MINK1: variants seen among roughly 807,000 people sequenced by gnomAD.
MINK1 encodes misshapen like kinase 1.
A neutral mutation model predicts 178.4 loss-of-function variants in MINK1; 46 were observed. The observed-to-expected ratio is 0.26, with a 90% CI of 0.20 to 0.33. The LOEUF is 0.33. MINK1 is among the 10% of genes least tolerant of loss of function. The probability of loss-of-function intolerance (pLI) is 1.00; values close to 1 mark genes in which losing one functional copy is unlikely to be tolerated. For missense variants in MINK1, 1,366 were observed against 1,814.9 expected (o/e 0.75, Z 4.49); for synonymous variants, 797 against 709.7 (o/e 1.12, Z -1.96).
At chr17:4,873,617 C>CTTT (rs71367860) in intron 1 of MINK1, among the ~76,000 whole-genome samples, 2,707 of 108,056 alleles carry the variant, frequency 0.025, 679 homozygotes, top group African/African-American at 0.048. Context: ...TTTTTCTTTT[C>CTTT]TTTTTTTTTT....
rs886251175 is a variant in MINK1, at chr17:4,886,793, T to A, written c.949+167T>A. ...CTTGCAACCCCCAAGGGGTTTTCCC[T>A]CCTTTCCCTCCCAGTCTGAATCAGC... is the stretch of plus-strand genomic sequence containing the variant. On this transcript the variant is annotated intron_variant, in intron 10 of 31. Coordinates refer to ENST00000355280, the MANE Select transcript of MINK1 (RefSeq NM_153827.5). This position sits in a 1 kb window ranked among gnomAD's most constrained non-coding sequence, Gnocchi z 6.1. 1.9e-4 allele frequency among the ~76,000 whole-genome samples: 29 copies of A among 152,132 alleles called. 1 individual carries two copies. Among genetic ancestry groups the A allele is most frequent in the Admixed American group, 2.0e-4 (3 of 15,278 alleles).
In MINK1 at chr17:4,894,747, TG is replaced by T; in HGVS notation, c.2917+117del. 1.2e-6 allele frequency: 1 copy of T among 829,706 alleles called. No homozygotes were observed. Among genetic ancestry groups the T allele is most frequent in the East Asian group, 2.7e-5 (1 of 37,410 alleles). The allele number at this position is 829,706 out of a possible 1,614,324, so 51.4% of individuals were successfully genotyped here. A position where few individuals can be genotyped will look rare whatever the true frequency, so the allele number is the denominator to read the frequency against. ...AAGCATAGCCACAGGACCTCTCCCT[TG>T]GGCCCTAGCACCTGCCTGGGCACAG... On this transcript the variant is annotated intron_variant, in intron 24 of 31. Transcript: ENST00000355280. The surrounding 1 kb of genome is among the most constrained non-coding windows in gnomAD (Gnocchi z 4.1).
Position 4,833,787 on chromosome 17 carries a change from C to G in MINK1, c.57+147C>G. 1.7e-6 allele frequency: 1 copy of G among 598,916 alleles called. No homozygotes were observed. Among genetic ancestry groups the G allele is most frequent in the Non-Finnish European group, 2.7e-6 (1 of 369,594 alleles). The allele number at this position is 598,916 out of a possible 1,614,324, so 37.1% of individuals were successfully genotyped here. A position where few individuals can be genotyped will look rare whatever the true frequency, so the allele number is the denominator to read the frequency against. Reference sequence around the variant, plus strand: ...GACCCGTGCCCCTTTCCCGGACTCCCGCCGCGGCTGGGCCCCCGCCCTCTG... The same window carrying G: ...GACCCGTGCCCCTTTCCCGGACTCCGGCCGCGGCTGGGCCCCCGCCCTCTG... On this transcript the variant is annotated intron_variant, in intron 1 of 31. Transcript: ENST00000355280. This position sits in a 1 kb window ranked among gnomAD's most constrained non-coding sequence, Gnocchi z 4.8.
chr17:4,869,996 C>T (rs925768417), intron 1 of MINK1, among the ~76,000 whole-genome samples: 20 of 150,912 alleles, frequency 1.3e-4, no homozygotes, highest in African/African-American at 4.9e-4. Flanking sequence ...CAGGCCCCAC[C>T]TCCAGGGTTC....
At chr17:4,849,899 A>G (rs1254407545) in intron 1 of MINK1, among the ~76,000 whole-genome samples, 1 of 152,016 alleles carries the variant, frequency 6.6e-6, no homozygotes, top group Non-Finnish European at 1.5e-5. Flanking sequence ...TCACTTCCTT[A>G]GCGAGCCTTT....
At chr17:4,876,799 G>A (rs112983046) in intron 1 of MINK1, among the ~76,000 whole-genome samples, 20 of 152,134 alleles carry the variant, frequency 1.3e-4, no homozygotes, top group Admixed American at 5.9e-4. Flanking sequence ...CAGAACTGTC[G>A]GCTCTGAGGC....
chr17:4,880,264 G>A (rs1478880671), intron 2 of MINK1, among the ~76,000 whole-genome samples: 2 of 151,384 alleles, frequency 1.3e-5, no homozygotes, highest in Non-Finnish European at 2.9e-5. Context: ...ACTGAGGTGT[G>A]TAGCCACAAT....
intron 1 of MINK1, among the ~76,000 whole-genome samples, chr17:4,835,614 G>A (rs9893925): frequency 0.074 from 11,252 of 152,184 alleles, 550 homozygotes; most frequent in East Asian, 0.25. Flanking sequence ...GCGACAAAGC[G>A]AGACCTTGTC....
At chr17:4,870,776 G>A (rs552076726) in intron 1 of MINK1, among the ~76,000 whole-genome samples, 3 of 152,154 alleles carry the variant, frequency 2.0e-5, no homozygotes, top group Non-Finnish European at 4.4e-5. Flanking sequence ...AGTGAGCTGA[G>A]ATTACACTAC....
intron 1 of MINK1, among the ~76,000 whole-genome samples, chr17:4,854,134 C>G (rs1912644335): frequency 6.6e-6 from 1 of 152,156 alleles, no homozygotes; most frequent in African/African-American, 2.4e-5. Flanking sequence ...GGCTCAGCAT[C>G]AGAAAGGGAC....
intron 1 of MINK1, among the ~76,000 whole-genome samples, chr17:4,863,828 C>CT (rs936381125): frequency 2.6e-5 from 4 of 151,946 alleles, no homozygotes; most frequent in African/African-American, 9.7e-5. Context: ...CTCACTCTGT[C>CT]ACCCAGGCTG....
intron 1 of MINK1, among the ~76,000 whole-genome samples, chr17:4,873,980 TCAAA>T (rs1412267226): frequency 6.6e-6 from 1 of 152,092 alleles, no homozygotes; most frequent in Non-Finnish European, 1.5e-5. Context: ...GACCGAGGCC[TCAAA>T]CAGTTAAATA....
chr17:4,895,027 G>A lies in MINK1; in HGVS notation c.2918-48G>A. The A allele has an allele frequency of 6.3e-7, 1 of 1,596,958 alleles. No homozygotes were observed. Among genetic ancestry groups the A allele is most frequent in the Non-Finnish European group, 8.6e-7 (1 of 1,168,694 alleles). On this transcript the variant is annotated intron_variant, in intron 24 of 31. Coordinates refer to ENST00000355280, the MANE Select transcript of MINK1 (RefSeq NM_153827.5). The surrounding 1 kb of genome is among the most constrained non-coding windows in gnomAD (Gnocchi z 4.3). ...TAGGGGATGGAGGTAAAAAGAGATG[G>A]GGTGAGAAGCTGCAGCCCCTCCTCC...
chr17:4,896,941 G>A lies in MINK1; in HGVS notation c.3915+128G>A, dbSNP rs1003512428. On this transcript the variant is annotated intron_variant, in intron 31 of 31. Transcript: ENST00000355280. The surrounding 1 kb of genome is among the most constrained non-coding windows in gnomAD (Gnocchi z 4.6). ...AAGCGGGCCCCTCTGGGAGCTCAGA[G>A]GGCAGTCAGCCACTACCACTGCCCT... 1 of 1,274,698 alleles carries A rather than the reference G, an allele frequency of 7.8e-7. No individual in the cohort carries two copies. The highest frequency in any genetic ancestry group is 1.1e-6 in the Non-Finnish European group (1 of 944,518). The allele number at this position is 1,274,698 out of a possible 1,614,324, so 79.0% of individuals were successfully genotyped here.
At chr17:4,876,040 C>G (rs1290154005) in intron 1 of MINK1, among the ~76,000 whole-genome samples, 1 of 152,026 alleles carries the variant, frequency 6.6e-6, no homozygotes, top group Non-Finnish European at 1.5e-5. Context: ...CTTGATCTGC[C>G]CGCTTCAGCC....
At chr17:4,850,519 G>GCCGCC (rs1555529655) in intron 1 of MINK1, among the ~76,000 whole-genome samples, 1 of 144,892 alleles carries the variant, frequency 6.9e-6, no homozygotes, top group African/African-American at 2.6e-5. Context: ...CTTCCTGCTG[G>GCCGCC]CCCCCCCCGC....
intron 1 of MINK1, among the ~76,000 whole-genome samples, chr17:4,864,642 T>C (rs548238791): frequency 6.6e-6 from 1 of 152,196 alleles, no homozygotes; most frequent in African/African-American, 2.4e-5. Context: ...GGAGAATCGC[T>C]TGAACCCGGG....
intron 1 of MINK1, chr17:4,859,053 C>T: frequency 1.1e-6 from 1 of 891,594 alleles, no homozygotes; most frequent in Non-Finnish European, 1.3e-6. Context: ...GGCACCTTGC[C>T]TGGGTCTGGG....
Position 4,895,744 on chromosome 17 carries a change from C to T in MINK1, c.3276C>T (p.Asn1092=). The part of the protein sequence containing the change: ...LRVYYLSWLR[N]KILHNDPEVE... ...TGTATTACCTGTCCTGGCTCCGGAA[C>T]AAGATTCTGCACAATGACCCAGAAG... The change falls in exon 27 of 32, where the codon AAC becomes AAT. Residue 1092 remains asparagine, a synonymous_variant. Transcript: ENST00000355280. This position sits in a 1 kb window ranked among gnomAD's most constrained non-coding sequence, Gnocchi z 4.3. The T allele has an allele frequency of 1.2e-6, 2 of 1,613,814 alleles. No individual in the cohort carries two copies. Among genetic ancestry groups the T allele is most frequent in the Non-Finnish European group, 1.7e-6 (2 of 1,179,798 alleles).
Sources: gnomAD v4.1 joint callset for allele counts (sites outside exome capture counted in the v4.1 genomes callset) on GRCh38, gnomAD v4.1.1 for gene constraint, Gnocchi (gnomAD v3.1) non-coding constraint, MANE v1.5 for transcripts, NCBI Gene and HGNC (gene_info 2026-07-23, HGNC 2026-07-21) for gene names.